The following ANK3 variants were observed in gnomAD, a reference collection of about 807,000 sequenced individuals.
ANK3 encodes ankyrin 3.
Under a neutral mutation model 370.9 loss-of-function variants are expected in ANK3, and 57 were observed. That is an observed-to-expected ratio of 0.15 (90% confidence interval 0.12 to 0.19). The LOEUF is 0.19. Among genes scored for constraint, ANK3 ranks in the 10% least tolerant of loss-of-function variants. ANK3 has a pLI of 1.00. For synonymous variants in ANK3, 1,929 were observed against 1,946.3 expected (o/e 0.99, Z 0.23); for missense variants, 4,439 against 5,302.1 (o/e 0.84, Z 5.06).
chr10:60,359,486 G>T (rs1298552830), intron 1 of ANK3, among the ~76,000 whole-genome samples: 2 of 152,104 alleles, frequency 1.3e-5, no homozygotes, highest in African/African-American at 4.8e-5. Flanking sequence ...ATTTACTAAA[G>T]CACCCTATCA....
At chr10:60,058,160 T>C (rs1455799939) in intron 41 of ANK3, among the ~76,000 whole-genome samples, 1 of 152,204 alleles carries the variant, frequency 6.6e-6, no homozygotes, top group Non-Finnish European at 1.5e-5. Context: ...TCTTTTTCTA[T>C]CTATAAATCT....
At chr10:60,213,794 C>T (rs1457089805) in intron 8 of ANK3, among the ~76,000 whole-genome samples, 2 of 152,062 alleles carry the variant, frequency 1.3e-5, no homozygotes, top group African/African-American at 2.4e-5. Flanking sequence ...AATCTAAGTA[C>T]TACAAGTAAT....
chr10:60,269,430 G>A (rs565815662), intron 5 of ANK3, among the ~76,000 whole-genome samples: 32 of 152,128 alleles, frequency 2.1e-4, no homozygotes, highest in African/African-American at 7.0e-4. Flanking sequence ...TGGATCACGC[G>A]GTCAGGAGTT....
chr10:60,587,698 A>C (rs1027814194), intron 2 of ANK3, among the ~76,000 whole-genome samples: 1 of 152,196 alleles, frequency 6.6e-6, no homozygotes, highest in Non-Finnish European at 1.5e-5. Flanking sequence ...ACTTTAAAAA[A>C]TACCCCAAAA....
intron 1 of ANK3, among the ~76,000 whole-genome samples, chr10:60,294,948 A>G (rs1890951): frequency 0.63 from 95,059 of 152,020 alleles, 29,894 homozygotes; most frequent in South Asian, 0.79. Flanking sequence ...TATTTTCTAT[A>G]ACAAAAAATG....
rs1592791441 is a variant in ANK3 at position 60,270,050 on chromosome 10, T to C, written c.513+81A>G. 1.4e-5 allele frequency: 11 copies of C among 807,816 alleles called. No individual in the cohort carries two copies. In the East Asian group the frequency reaches 3.1e-4, roughly 23 times the overall value. 50.0% of individuals were successfully genotyped at this position (807,816 alleles called of 1,614,324 possible). A position where few individuals can be genotyped will look rare whatever the true frequency, so the allele number is the denominator to read the frequency against. On this transcript the variant is annotated intron_variant, in intron 5 of 43. Coordinates refer to ENST00000280772, the MANE Select transcript of ANK3 (RefSeq NM_020987.5). ...TATAAAACTTCAATTGAAATACTAG[T>C]AGGACAAATTCACAACTCCAGGTTT...
At chr10:60,208,467 A>G (rs1176493381) in intron 9 of ANK3, among the ~76,000 whole-genome samples, 1 of 152,238 alleles carries the variant, frequency 6.6e-6, no homozygotes, top group Non-Finnish European at 1.5e-5. Flanking sequence ...TTCCCAATTT[A>G]ATAGAAGTGA....
intron 35 of ANK3, 144 bp from the exon 36 acceptor site, chr10:60,080,762 C>A (rs1229957968): frequency 2.7e-6 from 2 of 749,750 alleles, no homozygotes; most frequent in Non-Finnish European, 4.2e-6. Flanking sequence ...GATTTTGTAA[C>A]CCCACCCCCC....
At chr10:60,673,101 T>A (rs1564528535) in intron 1 of ANK3, among the ~76,000 whole-genome samples, 1 of 151,570 alleles carries the variant, frequency 6.6e-6, no homozygotes, top group African/African-American at 2.4e-5. Flanking sequence ...CTAAAACCTA[T>A]AAAAGGTAAA....
intron 21 of ANK3, 22 bp from the exon 22 acceptor site, chr10:60,166,918 T>C (rs927632834): frequency 3.1e-6 from 5 of 1,604,882 alleles, no homozygotes; most frequent in Non-Finnish European, 4.3e-6. Context: ...AAAGCAGTCA[T>C]TTTAGTGTGA....
intron 7 of ANK3, among the ~76,000 whole-genome samples, chr10:60,250,551 G>C (rs2097643830): frequency 1.3e-5 from 2 of 152,006 alleles, no homozygotes; most frequent in African/African-American, 4.8e-5. Context: ...ATTTTTAGTA[G>C]AGACGGAGTT....
At chr10:60,380,963 C>G (rs921057892) in intron 1 of ANK3, among the ~76,000 whole-genome samples, 1 of 152,170 alleles carries the variant, frequency 6.6e-6, no homozygotes, top group Non-Finnish European at 1.5e-5. Flanking sequence ...TAAAGGAAGA[C>G]AGCCACTGGG....
chr10:60,173,213 A>T, intron 18 of ANK3, 27 bp from the exon 19 acceptor site: 3 of 1,550,592 alleles, frequency 1.9e-6, no homozygotes, highest in Non-Finnish European at 2.6e-6. Context: ...TTTAAAAAAG[A>T]AGCATCATAA....
chr10:60,176,359 T>A (rs1386969340), intron 18 of ANK3, among the ~76,000 whole-genome samples: 2 of 111,314 alleles, frequency 1.8e-5, no homozygotes, highest in African/African-American at 7.8e-5. Flanking sequence ...AGTGAGAGAC[T>A]CTGTCTCCCA....
intron 1 of ANK3, among the ~76,000 whole-genome samples, chr10:60,704,827 C>T (rs1277418543): frequency 6.6e-6 from 1 of 152,102 alleles, no homozygotes; most frequent in East Asian, 1.9e-4. Context: ...AATAGATCTC[C>T]TAGCACTCCA....
intron 1 of ANK3, among the ~76,000 whole-genome samples, chr10:60,328,026 T>C (rs2050300075): frequency 6.6e-6 from 1 of 152,154 alleles, no homozygotes; most frequent in South Asian, 2.1e-4. Flanking sequence ...TTAGTGAACA[T>C]ATTCTTAAAA....
intron 5 of ANK3, 62 bp from the exon 6 acceptor site, chr10:60,264,082 A>G (rs2097845786): frequency 7.0e-7 from 1 of 1,428,504 alleles, no homozygotes; most frequent in African/African-American, 1.4e-5. Flanking sequence ...TATTAAATTA[A>G]CAAATAAGAA....
intron 1 of ANK3, among the ~76,000 whole-genome samples, chr10:60,662,465 A>C (rs575118916): frequency 2.0e-4 from 31 of 152,194 alleles, no homozygotes; most frequent in Non-Finnish European, 1.3e-4. Context: ...CTAGAGCCAA[A>C]TCCTTAACAA....
chr10:60,096,167 C>T (rs1242226408), intron 28 of ANK3, among the ~76,000 whole-genome samples: 7 of 151,844 alleles, frequency 4.6e-5, no homozygotes, highest in Non-Finnish European at 7.4e-5. Context: ...AGCGAGACTC[C>T]ATCTCAAAAA....
Sources: allele counts gnomAD v4.1 joint callset (sites outside exome capture counted in the v4.1 genomes callset), GRCh38; gene constraint gnomAD v4.1.1; transcripts MANE v1.5; gene names NCBI Gene and HGNC (gene_info 2026-07-23, HGNC 2026-07-21).